Variants in HIF1A observed in about 807,000 individuals in gnomAD.
The protein encoded by HIF1A is hypoxia-inducible factor 1-alpha.
Under a neutral mutation model 92.7 loss-of-function variants are expected in HIF1A, and 24 were observed. The observed-to-expected ratio is 0.26, with a 90% CI of 0.19 to 0.36. The LOEUF is 0.36. Ranked by LOEUF, HIF1A falls within the 10% of genes least tolerant of loss-of-function variation. The pLI, the probability that HIF1A is intolerant of heterozygous loss-of-function variation, is 1.00. For missense variants in HIF1A, 799 were observed against 998.5 expected, an observed-to-expected ratio of 0.80 and a Z score of 2.69; for synonymous variants, 319 against 338.7, an observed-to-expected ratio of 0.94 and a Z score of 0.64.
At chr14:61,721,199 C>T (rs1011575815) in intron 2 of HIF1A, among the ~76,000 whole-genome samples, 6 of 152,174 alleles carry the variant, frequency 3.9e-5, no homozygotes, top group Non-Finnish European at 8.8e-5. Flanking sequence ...CGAGATCAAG[C>T]CACTGCACTC....
At position 61,695,871 on chromosome 14, in the gene HIF1A, C is replaced by A. The variant is rs113855813; in HGVS notation, c.35+32C>A. On this transcript the variant is annotated intron_variant, in intron 1 of 14. Coordinates refer to ENST00000337138, the MANE Select transcript of HIF1A (RefSeq NM_001530.4). ...CCATTCCCTCGGCCCGCCGCCTTCT[C>A]CCCCGGCGACCCCGCCCGCCTGCCC... is the stretch of plus-strand genomic sequence containing the variant. The A allele has an allele frequency of 3.2e-6, 5 of 1,550,074 alleles. 1 individual carries two copies. The South Asian group carries it at 4.8e-5, about 15-fold the overall frequency.
At chr14:61,717,552 G>T (rs932339678) in intron 1 of HIF1A, among the ~76,000 whole-genome samples, 1 of 151,976 alleles carries the variant, frequency 6.6e-6, no homozygotes, top group Non-Finnish European at 1.5e-5. Flanking sequence ...CTTATTTTCA[G>T]TCTACACTAG....
chr14:61,725,859 T>G (rs113790845), intron 4 of HIF1A, among the ~76,000 whole-genome samples: 1,709 of 149,582 alleles, frequency 0.011, 34 homozygotes, highest in African/African-American at 0.038. Context: ...TCGCTCTATA[T>G]CCCAGGTTGG....
At chr14:61,733,647 T>A (rs952578623) in intron 7 of HIF1A, among the ~76,000 whole-genome samples, 1 of 152,204 alleles carries the variant, frequency 6.6e-6, no homozygotes, top group African/African-American at 2.4e-5. Flanking sequence ...ATCATTAGCA[T>A]TTATTTAGTA....
At chr14:61,711,566 C>T (rs2044308595) in intron 1 of HIF1A, among the ~76,000 whole-genome samples, 1 of 152,196 alleles carries the variant, frequency 6.6e-6, no homozygotes, top group African/African-American at 2.4e-5. Flanking sequence ...TCTTTCCTGG[C>T]AAGATCATTT....
chr14:61,724,376 T>TCTCTCTCTCTCTCTCTCCCC (rs1176630262), intron 4 of HIF1A, among the ~76,000 whole-genome samples: 1 of 150,172 alleles, frequency 6.7e-6, no homozygotes, highest in Non-Finnish European at 1.5e-5. Flanking sequence ...TCTCTCTCTC[T>TCTCTCTCTCTCTCTCTCCCC]CTCTCCCCCT....
At chr14:61,717,714 C>T (rs1268711966) in intron 1 of HIF1A, among the ~76,000 whole-genome samples, 4 of 152,168 alleles carry the variant, frequency 2.6e-5, no homozygotes, top group Non-Finnish European at 5.9e-5. Context: ...GACATTCCAT[C>T]ACCATAGTTA....
chr14:61,709,441 T>C (rs924255810), intron 1 of HIF1A, among the ~76,000 whole-genome samples: 1 of 152,350 alleles, frequency 6.6e-6, no homozygotes, highest in Admixed American at 6.5e-5. Context: ...GATATAGATT[T>C]CATTTTCAGA....
chr14:61,744,888 T>C, intron 13 of HIF1A, 75 bp downstream of exon 13: 1 of 637,750 alleles, frequency 1.6e-6, no homozygotes, highest in South Asian at 2.1e-5. Context: ...TGTGTGTGTG[T>C]GTGTGTTTCC....
At chr14:61,706,249 T>C (rs2044238331) in intron 1 of HIF1A, among the ~76,000 whole-genome samples, 1 of 152,202 alleles carries the variant, frequency 6.6e-6, no homozygotes, top group Non-Finnish European at 1.5e-5. Flanking sequence ...ACAGTGATTC[T>C]TCACTCTTGA....
rs1428109973 is a variant in HIF1A at position 61,740,909 on chromosome 14, C to G, written c.1814C>G (p.Thr605Ser). 6.2e-7 allele frequency: 1 copy of G among 1,614,060 alleles called. No individual in the cohort carries two copies. Among genetic ancestry groups the G allele is most frequent in the African/African-American group, 1.3e-5 (1 of 74,914 alleles). ...AGCACAGTTACAGTATTCCAGCAGA[C>G]TCAAATACAAGAACCTACTGCTAAT... ...PQSTVTVFQQ[T>S]QIQEPTANAT... The change falls in exon 12 of 15, where the codon ACT becomes AGT. Residue 605 changes from threonine to serine, a missense_variant. Thr to Ser is a moderately conservative substitution (Grantham distance 58). Transcript: ENST00000337138.
chr14:61,746,872 G>T, intron 14 of HIF1A, 62 bp from the exon 15 acceptor site: 3 of 1,301,564 alleles, frequency 2.3e-6, no homozygotes, highest in Non-Finnish European at 3.2e-6. Context: ...CACATTGTGG[G>T]TGTTTAATAA....
chr14:61,702,551 T>C (rs569204569), intron 1 of HIF1A, among the ~76,000 whole-genome samples: 1 of 152,214 alleles, frequency 6.6e-6, no homozygotes, highest in East Asian at 1.9e-4. Context: ...TTTTTTGATA[T>C]AGATATTTAA....
At chr14:61,742,635 C>T (rs2044726162) in intron 12 of HIF1A, among the ~76,000 whole-genome samples, 1 of 152,044 alleles carries the variant, frequency 6.6e-6, no homozygotes, top group African/African-American at 2.4e-5. Flanking sequence ...ACTGTAATCT[C>T]AGCACTTTGG....
At chr14:61,712,076 T>A (rs958898759) in intron 1 of HIF1A, among the ~76,000 whole-genome samples, 6 of 152,048 alleles carry the variant, frequency 3.9e-5, no homozygotes, top group Admixed American at 2.6e-4. Context: ...AATAAAATAA[T>A]CAAGTAAGAT....
chr14:61,740,588 T>C lies in HIF1A; in HGVS notation c.1620T>C (p.Phe540=). Reference sequence around the variant, plus strand: ...AGTTGGAATTGGTAGAAAAACTTTTTGCTGAAGACACAGAAGCAAAGAACC... The same window carrying C: ...AGTTGGAATTGGTAGAAAAACTTTTCGCTGAAGACACAGAAGCAAAGAACC... ...EFKLELVEKL[F]AEDTEAKNPF... The change falls in exon 11 of 15, where the codon TTT becomes TTC. Residue 540 remains phenylalanine (F), a synonymous_variant. Coordinates refer to ENST00000337138, the MANE Select transcript of HIF1A (RefSeq NM_001530.4). 1.2e-6 allele frequency: 2 copies of C among 1,610,456 alleles called. No individual in the cohort carries two copies. Among genetic ancestry groups the C allele is most frequent in the Non-Finnish European group, 1.7e-6 (2 of 1,178,034 alleles).
At chr14:61,740,066 T>TTTA (rs1412495836) in intron 10 of HIF1A, 1 of 117,440 alleles carries the variant, frequency 8.5e-6, no homozygotes, top group Non-Finnish European at 1.8e-5. Context: ...TCACAAATTT[T>TTTA]TTTTTTTTTT....
chr14:61,747,705 A>G lies in HIF1A; in HGVS notation c.*620A>G, dbSNP rs2044811754. The G allele has an allele frequency of 6.6e-6, 1 of 152,594 alleles. No individual in the cohort carries two copies. The allele number at this position is 152,594 out of a possible 1,614,324, so 9.5% of individuals were successfully genotyped here. On this transcript the variant is annotated 3_prime_UTR_variant, in exon 15 of 15. Coordinates refer to ENST00000337138, the MANE Select transcript of HIF1A (RefSeq NM_001530.4). ...TATAATAATGATTCTTAAATGCTGT[A>G]TGGTTTATTATTTAAATGGGTAAAG...
intron 1 of HIF1A, among the ~76,000 whole-genome samples, chr14:61,702,929 A>G (rs1453362010): frequency 6.6e-6 from 1 of 152,158 alleles, no homozygotes; most frequent in Non-Finnish European, 1.5e-5. Context: ...TTTCCCATCT[A>G]AATAGTGAGG....
Sources: allele counts gnomAD v4.1 joint callset (sites outside exome capture counted in the v4.1 genomes callset), GRCh38; gene constraint gnomAD v4.1.1; transcripts MANE v1.5; gene names NCBI Gene and HGNC (gene_info 2026-07-23, HGNC 2026-07-21).